The following GABBR2 variants were observed in gnomAD, a reference collection of about 807,000 sequenced individuals.
GABBR2 encodes gamma-aminobutyric acid type B receptor subunit 2, also known as G-protein coupled receptor 51.
GABBR2 carries 23 observed loss-of-function variants against 105.6 expected under a neutral mutation model. The observed-to-expected ratio is 0.22, with a 90% CI of 0.16 to 0.31. The LOEUF (loss-of-function observed/expected upper bound fraction) is 0.31, where lower values mean the gene tolerates loss of function less well. Ranked by LOEUF, GABBR2 falls within the 10% of genes least tolerant of loss-of-function variation. The pLI is 1.00. For synonymous variants in GABBR2, 478 were observed against 499.7 expected, an observed-to-expected ratio of 0.96 and a Z score of 0.58; for missense variants, 734 against 1,245.5, an observed-to-expected ratio of 0.59 and a Z score of 6.18.
At chr9:98,432,048 A>G (rs1174127717) in intron 7 of GABBR2, among the ~76,000 whole-genome samples, 2 of 152,052 alleles carry the variant, frequency 1.3e-5, no homozygotes, top group Non-Finnish European at 2.9e-5. Flanking sequence ...GGCATGTGCT[A>G]CCACGCCCAG....
intron 1 of GABBR2, among the ~76,000 whole-genome samples, chr9:98,627,487 T>C (rs1448236043): frequency 2.6e-5 from 4 of 152,208 alleles, no homozygotes; most frequent in African/African-American, 7.2e-5. Flanking sequence ...CGGGACATCA[T>C]GTGAAAGACT....
intron 1 of GABBR2, among the ~76,000 whole-genome samples, chr9:98,627,437 C>T (rs1279095124): frequency 6.6e-5 from 10 of 152,188 alleles, no homozygotes; most frequent in Non-Finnish European, 1.5e-5. Flanking sequence ...AAGCTATTCC[C>T]CAGCCTCTTG....
At chr9:98,606,932 ATCT>A (rs1829432009) in intron 1 of GABBR2, 2 of 690,082 alleles carry the variant, frequency 2.9e-6, no homozygotes, top group Non-Finnish European at 2.6e-6. Flanking sequence ...CCTAAGAATC[ATCT>A]TCTTCCTGCT....
intron 9 of GABBR2, among the ~76,000 whole-genome samples, chr9:98,393,006 T>C (rs62574580): frequency 2.1e-5 from 2 of 96,328 alleles, no homozygotes; most frequent in East Asian, 3.3e-4. Context: ...ATCCGCCCAT[T>C]CACACACCCA....
intron 13 of GABBR2, among the ~76,000 whole-genome samples, chr9:98,347,463 T>A (rs1214811003): frequency 1.3e-5 from 2 of 152,232 alleles, no homozygotes; most frequent in African/African-American, 4.8e-5. Context: ...TTGTATATTC[T>A]GGACATTAGT....
chr9:98,303,544 C>G (rs1830503745), intron 15 of GABBR2, 121 bp from the exon 16 acceptor site: 1 of 852,490 alleles, frequency 1.2e-6, no homozygotes, highest in Admixed American at 2.3e-5. Flanking sequence ...CCAGGAAAGC[C>G]ACAGGCTGGG....
At chr9:98,571,975 C>T (rs1166990865) in intron 2 of GABBR2, among the ~76,000 whole-genome samples, 1 of 152,216 alleles carries the variant, frequency 6.6e-6, no homozygotes, top group African/African-American at 2.4e-5. Flanking sequence ...CCCATGTGCT[C>T]TCCAGGCTGA....
chr9:98,320,552 A>G (rs1363341262), intron 13 of GABBR2, among the ~76,000 whole-genome samples: 1 of 152,200 alleles, frequency 6.6e-6, no homozygotes, highest in Non-Finnish European at 1.5e-5. Context: ...AGCATTATTC[A>G]CAATAGCAAA....
chr9:98,546,499 G>T (rs888052628), intron 2 of GABBR2, among the ~76,000 whole-genome samples: 1 of 152,274 alleles, frequency 6.6e-6, no homozygotes, highest in South Asian at 2.1e-4. Context: ...TTCATTGAGC[G>T]AGTGAAGATT....
chr9:98,290,740 A>C lies in GABBR2; in HGVS notation c.2670T>G (p.Arg890=). The change falls in exon 19 of 19, where the codon CGT becomes CGG. Residue 890 remains arginine, a synonymous_variant. Coordinates refer to ENST00000259455, the MANE Select transcript of GABBR2 (RefSeq NM_005458.8). ...EDINSPEHIQ[R]RLSLQLPILH... is the part of the protein sequence containing the mutation. The stretch of plus-strand genomic sequence containing the variant: ...GGATGGGGAGCTGGAGGGACAGCCG[A>C]CGCTGGATGCTGAAGAGAAGGAGAG... 6.7e-7 allele frequency: 1 copy of C among 1,485,018 alleles called. No homozygotes were observed. The highest frequency in any genetic ancestry group is 8.9e-7 in the Non-Finnish European group (1 of 1,128,658). 92.0% of individuals were successfully genotyped at this position (1,485,018 alleles called of 1,614,324 possible). A position where few individuals can be genotyped will look rare whatever the true frequency, so the allele number is the denominator to read the frequency against.
At chr9:98,594,415 G>C (rs915360036) in intron 1 of GABBR2, among the ~76,000 whole-genome samples, 1 of 152,186 alleles carries the variant, frequency 6.6e-6, no homozygotes, top group African/African-American at 2.4e-5. Context: ...CTAGGAAAGG[G>C]GGCAAAGGGG....
At chr9:98,412,082 T>C (rs1832600722) in intron 7 of GABBR2, among the ~76,000 whole-genome samples, 1 of 152,264 alleles carries the variant, frequency 6.6e-6, no homozygotes, top group African/African-American at 2.4e-5. Context: ...GGTTAAGCCC[T>C]TTGTTGGGGC....
At chr9:98,570,154 A>G (rs1374804554) in intron 2 of GABBR2, among the ~76,000 whole-genome samples, 1 of 152,170 alleles carries the variant, frequency 6.6e-6, no homozygotes, top group East Asian at 1.9e-4. Context: ...ACTCCCTCAC[A>G]TGAACTTCTC....
intron 1 of GABBR2, among the ~76,000 whole-genome samples, chr9:98,611,584 T>C (rs570469833): frequency 6.6e-6 from 1 of 152,314 alleles, no homozygotes; most frequent in East Asian, 1.9e-4. Flanking sequence ...CATAACCTTG[T>C]AGGCCCAGGA....
chr9:98,400,577 A>G (rs1832377680), intron 8 of GABBR2, among the ~76,000 whole-genome samples: 1 of 152,136 alleles, frequency 6.6e-6, no homozygotes, highest in African/African-American at 2.4e-5. Context: ...ATATATAAGG[A>G]CATGTATTAT....
intron 3 of GABBR2, among the ~76,000 whole-genome samples, chr9:98,532,759 G>A (rs1828091339): frequency 6.6e-6 from 1 of 152,136 alleles, no homozygotes; most frequent in Non-Finnish European, 1.5e-5. Flanking sequence ...TGCTGGTCCA[G>A]GGACCACACT....
chr9:98,442,064 T>A (rs60737529), intron 7 of GABBR2, among the ~76,000 whole-genome samples: 8,012 of 152,302 alleles, frequency 0.053, 362 homozygotes, highest in East Asian at 0.19. Context: ...ATTTTTATAA[T>A]CCAAAATAAA....
chr9:98,608,896 T>G (rs1241249229), intron 1 of GABBR2, among the ~76,000 whole-genome samples: 1 of 152,194 alleles, frequency 6.6e-6, no homozygotes, highest in Non-Finnish European at 1.5e-5. Context: ...TAACTCCTTT[T>G]TACACTTTAT....
At chr9:98,471,142 G>A (rs569314610) in intron 6 of GABBR2, among the ~76,000 whole-genome samples, 17 of 152,318 alleles carry the variant, frequency 1.1e-4, no homozygotes, top group South Asian at 1.0e-3. Flanking sequence ...TCCAAGAAGC[G>A]AAGAGGCTTC....
Sources: gnomAD v4.1 joint callset for allele counts (sites outside exome capture counted in the v4.1 genomes callset) on GRCh38, gnomAD v4.1.1 for gene constraint, MANE v1.5 for transcripts, NCBI Gene and HGNC (gene_info 2026-07-23, HGNC 2026-07-21) for gene names.